The following ACTL8 variants were observed in gnomAD, a reference collection of about 807,000 sequenced individuals.
ACTL8 encodes the protein actin like 8.
Under a neutral mutation model 9.3 loss-of-function variants are expected in ACTL8, and 3 were observed. The ratio of observed to expected loss-of-function variants is 0.32; its 90% CI spans 0.15 to 0.83. ACTL8 has a LOEUF of 0.83. ACTL8 is among the 40% of genes least tolerant of loss of function. ACTL8 has a pLI of 0.57. For missense variants in ACTL8, 381 were observed against 492.2 expected, an observed-to-expected ratio of 0.77 and a Z score of 2.14; for synonymous variants, 224 against 205.9, an observed-to-expected ratio of 1.09 and a Z score of -0.75.
intron 1 of ACTL8, among the ~76,000 whole-genome samples, chr1:17,776,458 G>A (rs1272433475): frequency 6.6e-6 from 1 of 152,162 alleles, no homozygotes; most frequent in Non-Finnish European, 1.5e-5. Flanking sequence ...TGTACAGCTA[G>A]TTCCAGGAGT....
At chr1:17,801,112 C>T (rs2066319641) in intron 1 of ACTL8, among the ~76,000 whole-genome samples, 1 of 152,178 alleles carries the variant, frequency 6.6e-6, no homozygotes, top group Non-Finnish European at 1.5e-5. Context: ...CCTAAAAGTA[C>T]TTATAAAGCT....
At chr1:17,761,506 A>T (rs950038721) in intron 1 of ACTL8, among the ~76,000 whole-genome samples, 1 of 151,862 alleles carries the variant, frequency 6.6e-6, no homozygotes, top group African/African-American at 2.4e-5. Context: ...TTCGACTTTA[A>T]AGTGGGACAA....
intron 1 of ACTL8, among the ~76,000 whole-genome samples, chr1:17,762,226 G>T (rs1172397150): frequency 6.6e-6 from 1 of 152,052 alleles, no homozygotes; most frequent in Non-Finnish European, 1.5e-5. Context: ...GAGAGTCCGA[G>T]CCTTCAGATA....
chr1:17,764,560 G>T (rs1422666287), intron 1 of ACTL8, among the ~76,000 whole-genome samples: 1 of 145,928 alleles, frequency 6.9e-6, no homozygotes, highest in Admixed American at 7.2e-5. Context: ...GACTTCAGCA[G>T]CCTAAGCTTC....
chr1:17,779,844 C>T (rs568855269), intron 1 of ACTL8, among the ~76,000 whole-genome samples: 26 of 152,104 alleles, frequency 1.7e-4, no homozygotes, highest in Non-Finnish European at 3.2e-4. Flanking sequence ...CTTCCATGTT[C>T]CTGGGGAGGG....
chr1:17,797,412 A>G (rs942247184), intron 1 of ACTL8, among the ~76,000 whole-genome samples: 4 of 152,310 alleles, frequency 2.6e-5, no homozygotes, highest in African/African-American at 9.6e-5. Context: ...AGCTTACTTC[A>G]TGCCATATCG....
intron 2 of ACTL8, among the ~76,000 whole-genome samples, chr1:17,824,856 A>G (rs2053700263): frequency 6.6e-6 from 1 of 152,104 alleles, no homozygotes; most frequent in Non-Finnish European, 1.5e-5. Flanking sequence ...TCTATTTGAA[A>G]AAGAGGACCT....
At chr1:17,788,808 T>C (rs1274125572) in intron 1 of ACTL8, among the ~76,000 whole-genome samples, 1 of 152,184 alleles carries the variant, frequency 6.6e-6, no homozygotes, top group African/African-American at 2.4e-5. Context: ...GTGCCCACCA[T>C]AGCGGGGATG....
rs2053713887 is a variant in ACTL8 at position 17,826,012 on chromosome 1, G to A, written c.594G>A (p.Leu198=). The change falls in exon 3 of 3, where the codon CTG becomes CTA. Residue 198 remains leucine, a synonymous_variant. Transcript: ENST00000375406. This position sits in a 1 kb window ranked among gnomAD's most constrained non-coding sequence, Gnocchi z 4.5. ...LFKEDCDRRC[L]FQLETVAVTQ... ...AGGAAGATTGCGATAGACGCTGCCT[G>A]TTTCAGCTGGAGACAGTCGCCGTGA... 3 of 1,607,198 alleles carry A rather than the reference G, an allele frequency of 1.9e-6. No homozygotes were observed. The African/African-American group carries it at 4.0e-5, about 21-fold the overall frequency.
intron 1 of ACTL8, among the ~76,000 whole-genome samples, chr1:17,794,764 C>T (rs1035084085): frequency 2.0e-5 from 3 of 152,310 alleles, no homozygotes; most frequent in East Asian, 1.9e-4. Context: ...TTGAGGGCAA[C>T]GTAGAGATCC....
chr1:17,800,583 C>CTTTTTTTTTTTTT (rs59143238), intron 1 of ACTL8, among the ~76,000 whole-genome samples: 4 of 69,168 alleles, frequency 5.8e-5, no homozygotes, highest in African/African-American at 1.9e-4. Context: ...TGGTGTCAAT[C>CTTTTTTTTTTTTT]TTTTTTTTTT....
chr1:17,793,630 G>C (rs1304598440), intron 1 of ACTL8, among the ~76,000 whole-genome samples: 1 of 152,150 alleles, frequency 6.6e-6, no homozygotes, highest in Non-Finnish European at 1.5e-5. Flanking sequence ...CTCCAGGAGT[G>C]GGGAGAAGGA....
intron 1 of ACTL8, among the ~76,000 whole-genome samples, chr1:17,794,611 T>G (rs2066264352): frequency 6.6e-6 from 1 of 151,438 alleles, no homozygotes; most frequent in South Asian, 2.1e-4. Context: ...GCCTCCCTGG[T>G]CTCATCTTAT....
chr1:17,765,870 G>A (rs899695941), intron 1 of ACTL8, among the ~76,000 whole-genome samples: 7 of 152,144 alleles, frequency 4.6e-5, no homozygotes, highest in African/African-American at 1.4e-4. Context: ...TGGCATGGGC[G>A]CCATTTCCCG....
At chr1:17,814,454 C>T (rs934258919) in intron 1 of ACTL8, among the ~76,000 whole-genome samples, 3 of 152,182 alleles carry the variant, frequency 2.0e-5, no homozygotes, top group Non-Finnish European at 4.4e-5. Flanking sequence ...CAATACAATA[C>T]ATACCATTAT....
At position 17,821,775 on chromosome 1, in the gene ACTL8, C is replaced by T. The variant is rs575390088; in HGVS notation, c.-24-1210C>T. ...TCCCAAGTAGCTGGGATTACAGGCG[C>T]ACTACCACACCAGCTAATTTTTGTA... On this transcript the variant is annotated intron_variant, in intron 1 of 2. Transcript: ENST00000375406. Among the ~76,000 whole-genome samples, 209 of 152,230 alleles carry T rather than the reference C, an allele frequency of 1.4e-3. 1 individual carries two copies. Among genetic ancestry groups the T allele is most frequent in the African/African-American group, 4.9e-3 (204 of 41,526 alleles).
rs778030561 is a variant in ACTL8, at chr1:17,825,985, TA to T, written c.569del (p.Lys190ArgfsTer17). 6.2e-7 allele frequency: 1 copy of T among 1,609,090 alleles called. No homozygotes were observed. On this transcript the variant is annotated frameshift_variant, in exon 3 of 3. Coordinates refer to ENST00000375406, the MANE Select transcript of ACTL8 (RefSeq NM_030812.3). LOFTEE classifies it low-confidence loss of function (END_TRUNC). ...CCGCCTATCTCCTCAAGAGTCTCTT[TA>T]AGGAAGATTGCGATAGACGCTGCCT... Reference protein sequence around the residue: ...LSAYLLKSLFKEDCDRRCLFQ... With the variant: ...LSAYLLKSLFXEDCDRRCLFQ...
chr1:17,776,411 C>A (rs929061298), intron 1 of ACTL8, among the ~76,000 whole-genome samples: 24 of 152,164 alleles, frequency 1.6e-4, no homozygotes, highest in African/African-American at 5.6e-4. Context: ...CCTGAACTTG[C>A]CTTCCTCCTG....
intron 1 of ACTL8, among the ~76,000 whole-genome samples, chr1:17,792,883 C>CAG (rs1472191157): frequency 6.6e-6 from 1 of 152,180 alleles, no homozygotes; most frequent in East Asian, 1.9e-4. Flanking sequence ...GAGAACTAGA[C>CAG]AGAGGTCAGT....
Sources: gnomAD v4.1 joint callset for allele counts (sites outside exome capture counted in the v4.1 genomes callset) on GRCh38, gnomAD v4.1.1 for gene constraint, Gnocchi (gnomAD v3.1) non-coding constraint, MANE v1.5 for transcripts, NCBI Gene and HGNC (gene_info 2026-07-23, HGNC 2026-07-21) for gene names.